Variants in PKD1L3 observed in about 807,000 individuals in gnomAD.
The protein encoded by PKD1L3 is polycystin-1-like protein 3.
Under a neutral mutation model 184.1 loss-of-function variants are expected in PKD1L3, and 239 were observed. The ratio of observed to expected loss-of-function variants is 1.30; its 90% CI spans 1.17 to 1.45. The LOEUF (loss-of-function observed/expected upper bound fraction) is 1.45, where lower values mean the gene tolerates loss of function less well. Ranked by LOEUF, PKD1L3 falls within the 40% of genes most tolerant of loss-of-function variation. PKD1L3 has a pLI of 0.00. For synonymous variants in PKD1L3, 996 were observed against 778.8 expected (o/e 1.28, Z -4.64); for missense variants, 2,660 against 2,067.2 (o/e 1.29, Z -5.56).
intron 4 of PKD1L3, among the ~76,000 whole-genome samples, chr16:71,986,892 G>A (rs940913745): frequency 6.8e-6 from 1 of 147,974 alleles, no homozygotes; most frequent in Non-Finnish European, 1.5e-5. Flanking sequence ...TGTCATGGAG[G>A]ATGTTCAGTG....
chr16:71,968,323 A>G (rs2039578220), intron 13 of PKD1L3, among the ~76,000 whole-genome samples: 1 of 152,182 alleles, frequency 6.6e-6, no homozygotes, highest in Non-Finnish European at 1.5e-5. Flanking sequence ...ATACCCAGCT[A>G]AATCTGCATT....
chr16:71,951,966 G>A (rs1462619395), intron 18 of PKD1L3, among the ~76,000 whole-genome samples: 1 of 152,138 alleles, frequency 6.6e-6, no homozygotes, highest in East Asian at 1.9e-4. Flanking sequence ...TGAAAAAAGA[G>A]ACAATTTGAT....
intron 15 of PKD1L3, among the ~76,000 whole-genome samples, chr16:71,964,497 C>A (rs1315072830): frequency 6.6e-6 from 1 of 151,302 alleles, no homozygotes; most frequent in Non-Finnish European, 1.5e-5. Context: ...AGCCACCACG[C>A]CCGGCTAGTT....
intron 18 of PKD1L3, among the ~76,000 whole-genome samples, chr16:71,952,195 ATTTTTTTTTTTTTTTTT>A (rs34849069): frequency 2.4e-4 from 12 of 50,790 alleles, no homozygotes; most frequent in Admixed American, 1.0e-3. Flanking sequence ...GGAGCATGTC[ATTTTTTTTTTTTTTTTT>A]TTTTTTTTTT....
At chr16:71,962,152 G>A (rs577479762) in intron 16 of PKD1L3, among the ~76,000 whole-genome samples, 8 of 152,156 alleles carry the variant, frequency 5.3e-5, no homozygotes, top group South Asian at 4.1e-4. Context: ...TCAAACTCCT[G>A]GCCTCAAGTG....
chr16:71,974,898 G>A (rs115548326), intron 11 of PKD1L3, among the ~76,000 whole-genome samples: 2,158 of 147,482 alleles, frequency 0.015, 56 homozygotes, highest in African/African-American at 0.05. Flanking sequence ...TGGTCATGAC[G>A]GGAGACTGTA....
In PKD1L3 at chr16:71,978,269, T is replaced by C. The variant is rs1352549840; in HGVS notation, c.1513A>G (p.Met505Val). The C allele has an allele frequency of 5.2e-6, 8 of 1,549,872 alleles. No homozygotes were observed. In the South Asian group the frequency reaches 9.5e-5, roughly 18 times the overall value. The part of the protein sequence containing the change: ...NRKLLQVHDL[M>V]EDIEIMLWRN... ...TCAGTTCCTACCTCAATGTCCTCCATTAAATCATGGACTTGGAGCAATTTA... is the reference window on the plus strand; with the variant it reads ...TCAGTTCCTACCTCAATGTCCTCCACTAAATCATGGACTTGGAGCAATTTA... Residue 505 changes from methionine (M) to valine (V), a missense_variant, in exon 10 of 30, where the codon ATG becomes GTG. Physicochemically the swap from Met to Val is conservative, Grantham distance 21. Coordinates refer to ENST00000620267, the MANE Select transcript of PKD1L3 (RefSeq NM_181536.2).
At chr16:71,953,423 C>A (rs1373084205) in intron 17 of PKD1L3, among the ~76,000 whole-genome samples, 2 of 81,344 alleles carry the variant, frequency 2.5e-5, no homozygotes, top group African/African-American at 8.0e-5. Context: ...CTGGGGAGGC[C>A]TCAGGAAACT....
chr16:71,993,640 C>G (rs1229365911), intron 2 of PKD1L3, among the ~76,000 whole-genome samples: 5 of 152,176 alleles, frequency 3.3e-5, no homozygotes, highest in Non-Finnish European at 7.3e-5. Context: ...TGCTTAAGGT[C>G]ATCGCCAGGG....
intron 3 of PKD1L3, among the ~76,000 whole-genome samples, chr16:71,992,402 C>A (rs1188070944): frequency 1.3e-5 from 2 of 152,144 alleles, no homozygotes; most frequent in South Asian, 2.1e-4. Flanking sequence ...CCACATGTTA[C>A]GTAAGGTAAT....
chr16:71,989,066 G>C (rs4788593), intron 4 of PKD1L3, among the ~76,000 whole-genome samples: 85,547 of 151,868 alleles, frequency 0.56, 24,999 homozygotes, highest in African/African-American at 0.71. Flanking sequence ...CATCAATATA[G>C]CAGAGTGGCA....
At position 71,990,297 on chromosome 16, in the gene PKD1L3, G is replaced by T. The variant is rs2040538863; in HGVS notation, c.568C>A (p.Pro190Thr). 1.3e-6 allele frequency: 2 copies of T among 1,548,514 alleles called. No individual in the cohort carries two copies. Among genetic ancestry groups the T allele is most frequent in the South Asian group, 1.2e-5 (1 of 83,992 alleles). The stretch of plus-strand genomic sequence containing the variant: ...GCACTTACAAGATGAGCAGGAAGAG[G>T]ATAGTGACATGTGGTTGGAAGATGA... ...PGHLPTTCHY[P>T]LPAHLSKTLC... The change falls in exon 4 of 30, where the codon CCT becomes ACT. Residue 190 changes from proline (P) to threonine (T), a missense_variant. Coordinates refer to ENST00000620267, the MANE Select transcript of PKD1L3 (RefSeq NM_181536.2).
Position 71,980,147 on chromosome 16 carries a change from G to T in PKD1L3, c.1144-13C>A. The T allele has an allele frequency of 6.4e-7, 1 of 1,551,088 alleles. No individual in the cohort carries two copies. On this transcript the variant is annotated splice_polypyrimidine_tract_variant and intron_variant, in intron 7 of 29. Transcript: ENST00000620267. The stretch of plus-strand genomic sequence containing the variant: ...GGATGTCTTCTACCTGCATGGAAAG[G>T]AAAACAGTGTGTGACTTGTAAAACC...
intron 4 of PKD1L3, among the ~76,000 whole-genome samples, chr16:71,989,985 G>A (rs1208038831): frequency 6.6e-6 from 1 of 150,474 alleles, no homozygotes; most frequent in Admixed American, 6.7e-5. Flanking sequence ...TGAGGCAGGA[G>A]AATCACTTGA....
chr16:71,977,744 A>G (rs1054307261), intron 10 of PKD1L3, among the ~76,000 whole-genome samples: 6 of 151,122 alleles, frequency 4.0e-5, no homozygotes, highest in Admixed American at 2.0e-4. Context: ...GGGGTTAAGG[A>G]TAAGTACATA....
rs375482890 is a variant in PKD1L3, at chr16:71,944,480, G to A, written c.3719-310C>T. On this transcript the variant is annotated intron_variant, in intron 22 of 29. Transcript: ENST00000620267. The stretch of plus-strand genomic sequence containing the variant: ...GCAGCAGGATCACTTGAGGCCAGGA[G>A]TTGACCAGCCTGGTCAACATAGTGA... Among the ~76,000 whole-genome samples, 24 of 152,206 alleles carry A rather than the reference G, an allele frequency of 1.6e-4. 1 individual carries two copies. Among genetic ancestry groups the A allele is most frequent in the Admixed American group, 9.8e-4 (15 of 15,284 alleles).
chr16:71,945,474 T>C (rs2143284665), intron 22 of PKD1L3, among the ~76,000 whole-genome samples: 1 of 148,012 alleles, frequency 6.8e-6, no homozygotes, highest in East Asian at 2.0e-4. Context: ...AGCTGAGGAG[T>C]TCAAGACCAG....
In PKD1L3 at chr16:71,944,697, TTTTG is replaced by T. The variant is rs1010196717; in HGVS notation, c.3719-531_3719-528del. On this transcript the variant is annotated intron_variant, in intron 22 of 29. Coordinates refer to ENST00000620267, the MANE Select transcript of PKD1L3 (RefSeq NM_181536.2). Reference sequence around the variant, plus strand: ...GCAACATAGCAAGACCATATCTGTTTTTTGTTTGTTTTTTTTTTTTGAGACGGAG... The same window carrying T: ...GCAACATAGCAAGACCATATCTGTTTTTTGTTTTTTTTTTTTGAGACGGAG... 3.0e-4 allele frequency among the ~76,000 whole-genome samples: 21 copies of T among 70,308 alleles called. 1 individual carries two copies. Among genetic ancestry groups the T allele is most frequent in the Non-Finnish European group, 6.4e-4 (20 of 31,478 alleles). 46.1% of individuals were successfully genotyped at this position (70,308 alleles called of 152,430 possible).
rs865850104 is a variant in PKD1L3 at position 71,943,077 on chromosome 16, C to T, written c.3860-53G>A. 27 of 1,365,982 alleles carry T rather than the reference C, an allele frequency of 2.0e-5. No homozygotes were observed. In the African/African-American group the frequency reaches 3.1e-4, roughly 16 times the overall value. The allele number at this position is 1,365,982 out of a possible 1,614,324, so 84.6% of individuals were successfully genotyped here. On this transcript the variant is annotated intron_variant, in intron 23 of 29. Coordinates refer to ENST00000620267, the MANE Select transcript of PKD1L3 (RefSeq NM_181536.2). ...TAGTTGAGTGGTTAACTTAGAAATC[C>T]TCTATGTCTTTTTCATTTTTCCTAA...
Sources: gnomAD v4.1 joint callset for allele counts (sites outside exome capture counted in the v4.1 genomes callset) on GRCh38, gnomAD v4.1.1 for gene constraint, MANE v1.5 for transcripts, NCBI Gene and HGNC (gene_info 2026-07-23, HGNC 2026-07-21) for gene names.